The following ZNF844 variants were observed in gnomAD, a reference collection of about 807,000 sequenced individuals.
ZNF844 encodes the protein zinc finger protein 844.
ZNF844 carries 11 observed loss-of-function variants against 11.4 expected under a neutral mutation model. The ratio of observed to expected loss-of-function variants is 0.97; its 90% CI spans 0.61 to 1.60. ZNF844 has a LOEUF of 1.60. Ranked by LOEUF, ZNF844 falls within the 40% of genes most tolerant of loss-of-function variation. The probability of loss-of-function intolerance (pLI) is 0.00; values close to 1 mark genes in which losing one functional copy is unlikely to be tolerated. For missense variants in ZNF844, 790 were observed against 796.8 expected (o/e 0.99, Z 0.10); for synonymous variants, 248 against 260.3 (o/e 0.95, Z 0.46).
In ZNF844 at chr19:12,064,864, A is replaced by T. The variant is rs1161994014; in HGVS notation, c.-10A>T. The T allele has an allele frequency of 6.5e-7, 1 of 1,549,784 alleles. No individual in the cohort carries two copies. The highest frequency in any genetic ancestry group is 2.5e-5 in the East Asian group (1 of 40,038). ...TGCTTTGGACGTGGGAGTCACCTGA[A>T]AGCCAGGAAATGGTGAGTGTGAGCC... is the stretch of plus-strand genomic sequence containing the variant. On this transcript the variant is annotated 5_prime_UTR_variant, in exon 1 of 4. Transcript: ENST00000439326.
chr19:12,069,042 C>G (rs1280432241), intron 1 of ZNF844, among the ~76,000 whole-genome samples: 1 of 152,194 alleles, frequency 6.6e-6, no homozygotes, highest in African/African-American at 2.4e-5. Context: ...CCCTGGAAAA[C>G]TGAGGATCCA....
Position 12,078,489 on chromosome 19 carries a change from G to C in ZNF844, c.*1368G>C, listed in dbSNP as rs906221543. Reference sequence around the variant, plus strand: ...AATATCTCAGTGCCATCATGCATTAGATCAAGTTTATGTTACCACATTATT... The same window carrying C: ...AATATCTCAGTGCCATCATGCATTACATCAAGTTTATGTTACCACATTATT... On this transcript the variant is annotated 3_prime_UTR_variant, in exon 4 of 4. Transcript: ENST00000439326. 1 of 152,150 alleles carries C rather than the reference G, an allele frequency of 6.6e-6. No individual in the cohort carries two copies. The highest frequency in any genetic ancestry group is 1.5e-5 in the Non-Finnish European group (1 of 68,028). The allele number at this position is 152,150 out of a possible 1,614,324, so 9.4% of individuals were successfully genotyped here. A position where few individuals can be genotyped will look rare whatever the true frequency, so the allele number is the denominator to read the frequency against.
chr19:12,079,620 T>G lies in ZNF844; in HGVS notation c.*2499T>G, dbSNP rs1265702850. The G allele has an allele frequency of 6.7e-6, 1 of 150,178 alleles. No homozygotes were observed. Among genetic ancestry groups the G allele is most frequent in the Non-Finnish European group, 1.5e-5 (1 of 67,854 alleles). 9.3% of individuals were successfully genotyped at this position (150,178 alleles called of 1,614,324 possible). A position where few individuals can be genotyped will look rare whatever the true frequency, so the allele number is the denominator to read the frequency against. On this transcript the variant is annotated 3_prime_UTR_variant, in exon 4 of 4. Transcript: ENST00000439326. ...TTGCAGTGACCCGAGATTACGCCAC[T>G]GTACCCCAGCAGAGTGAGACTCCAT... is the stretch of plus-strand genomic sequence containing the variant.
At chr19:12,068,724 T>C (rs892017917) in intron 1 of ZNF844, among the ~76,000 whole-genome samples, 1 of 152,242 alleles carries the variant, frequency 6.6e-6, no homozygotes, top group Non-Finnish European at 1.5e-5. Flanking sequence ...CTGAAATGAT[T>C]AGATACTTTT....
At position 12,076,507 on chromosome 19, in the gene ZNF844, T is replaced by C; in HGVS notation, c.1387T>C (p.Phe463Leu). The change falls in exon 4 of 4, where the codon TTC becomes CTC. Residue 463 changes from phenylalanine to leucine, a missense_variant. Around this residue, in one of 3 missense-constraint regions of ZNF844, gnomAD observed 657 missense variants for 636.2 expected, o/e 1.03. Transcript: ENST00000439326. ...VGKPSDLPHT[F>L]KCMEGLTLKR... Reference sequence around the variant, plus strand: ...AAAGCCTTCAGATCTGCCTCACACCTTCAAATGCATGGAAGGACTCACACT... The same window carrying C: ...AAAGCCTTCAGATCTGCCTCACACCCTCAAATGCATGGAAGGACTCACACT... The C allele has an allele frequency of 6.2e-7, 1 of 1,610,676 alleles. No homozygotes were observed. Among genetic ancestry groups the C allele is most frequent in the Non-Finnish European group, 8.5e-7 (1 of 1,178,614 alleles).
Position 12,076,191 on chromosome 19 carries a change from G to A in ZNF844, c.1071G>A (p.Met357Ile), listed in dbSNP as rs572567345. 5.7e-6 allele frequency: 9 copies of A among 1,588,648 alleles called. No individual in the cohort carries two copies. In the South Asian group the frequency reaches 9.0e-5, roughly 16 times the overall value. The change falls in exon 4 of 4, where the codon ATG becomes ATA. Residue 357 changes from methionine (M) to isoleucine (I), a missense_variant. Around this residue, in one of 3 missense-constraint regions of ZNF844, gnomAD observed 657 missense variants for 636.2 expected, o/e 1.03. Transcript: ENST00000439326. The stretch of plus-strand genomic sequence containing the variant: ...TTAACTTTCAAAGACACATGAAAAT[G>A]CACACTAGAATGAGACCTTATAAAT... ...SYLNFQRHMK[M>I]HTRMRPYKCK...
In ZNF844 at chr19:12,079,318, C is replaced by T. The variant is rs1975867256; in HGVS notation, c.*2197C>T. ...AAGGGAATGTGAAAAGCCTTCATTC[C>T]TGAAATGAAGCAATTCATACTATTA... On this transcript the variant is annotated 3_prime_UTR_variant, in exon 4 of 4. Transcript: ENST00000439326. The T allele has an allele frequency of 6.6e-6, 1 of 152,132 alleles. No homozygotes were observed. The highest frequency in any genetic ancestry group is 2.4e-5 in the African/African-American group (1 of 41,406). The allele number at this position is 152,132 out of a possible 1,614,324, so 9.4% of individuals were successfully genotyped here. A position where few individuals can be genotyped will look rare whatever the true frequency, so the allele number is the denominator to read the frequency against.
rs923208018 is a variant in ZNF844 at position 12,077,256 on chromosome 19, A to G, written c.*135A>G. On this transcript the variant is annotated 3_prime_UTR_variant, in exon 4 of 4. Coordinates refer to ENST00000439326, the MANE Select transcript of ZNF844 (RefSeq NM_001136501.3). ...TAAAGCCTTCATTTCTTCCACTGCC[A>G]TTCGTAGACATGAAAGGACTCACAC... is the stretch of plus-strand genomic sequence containing the variant. 14 of 1,420,020 alleles carry G rather than the reference A, an allele frequency of 9.9e-6. No homozygotes were observed. Among genetic ancestry groups the G allele is most frequent in the Non-Finnish European group, 1.2e-5 (12 of 1,012,320 alleles). The allele number at this position is 1,420,020 out of a possible 1,614,324, so 88.0% of individuals were successfully genotyped here. A position where few individuals can be genotyped will look rare whatever the true frequency, so the allele number is the denominator to read the frequency against.
At chr19:12,069,936 A>G (rs984802131) in intron 1 of ZNF844, among the ~76,000 whole-genome samples, 17 of 146,294 alleles carry the variant, frequency 1.2e-4, no homozygotes, top group Admixed American at 5.5e-4. Context: ...AGCCTGGACA[A>G]CAGTGAGACT....
At chr19:12,067,443 T>C (rs1281709721) in intron 1 of ZNF844, among the ~76,000 whole-genome samples, 2 of 149,258 alleles carry the variant, frequency 1.3e-5, no homozygotes, top group South Asian at 2.1e-4. Context: ...CCGTCTCTAC[T>C]AAAAATATAA....
In ZNF844 at chr19:12,075,818, C is replaced by T. The variant is rs202098662; in HGVS notation, c.698C>T (p.Ala233Val). The change falls in exon 4 of 4, where the codon GCC (alanine) becomes GTC (valine). Residue 233 changes from alanine (A) to valine (V), a missense_variant. Around this residue, in one of 3 missense-constraint regions of ZNF844, gnomAD observed 657 missense variants for 636.2 expected, o/e 1.03. Transcript: ENST00000439326. ...KPYKCKQCGK[A>V]FSYSTSLQIH... The stretch of plus-strand genomic sequence containing the variant: ...TATAAATGTAAACAATGTGGTAAAG[C>T]CTTTAGTTATTCAACTTCCCTTCAA... 6.2e-7 allele frequency: 1 copy of T among 1,611,042 alleles called. No homozygotes were observed. The highest frequency in any genetic ancestry group is 1.3e-5 in the African/African-American group (1 of 74,782).
In ZNF844 at chr19:12,074,154, A is replaced by G. The variant is rs767526686; in HGVS notation, c.127A>G (p.Ile43Val). The G allele has an allele frequency of 4.3e-6, 7 of 1,613,734 alleles. No homozygotes were observed. The highest frequency in any genetic ancestry group is 4.2e-6 in the Non-Finnish European group (5 of 1,179,804). Residue 43 changes from isoleucine to valine, a missense_variant, in exon 2 of 4, where the codon ATA becomes GTA. By Grantham distance (29) the Ile-to-Val change is conservative. This residue lies in a region of ZNF844 where 129 missense variants were observed against 144.0 expected (regional missense o/e 0.90). Transcript: ENST00000439326. ...MQETLRNLAS[I>V]GEKWKDQNIE... ...GGAAACCTTGAGGAATCTGGCCTCCATAGGTAAGAATGACAGTATTACGTC... is the reference window on the plus strand; with the variant it reads ...GGAAACCTTGAGGAATCTGGCCTCCGTAGGTAAGAATGACAGTATTACGTC...
chr19:12,075,189 AACTT>A (rs1177256928), intron 3 of ZNF844, 119 bp from the exon 4 acceptor site: 1 of 693,882 alleles, frequency 1.4e-6, no homozygotes, highest in Non-Finnish European at 1.9e-6. Context: ...TGTACCCTAA[AACTT>A]AAAGTATATT....
chr19:12,070,518 G>A (rs751427807), intron 1 of ZNF844, among the ~76,000 whole-genome samples: 2 of 152,124 alleles, frequency 1.3e-5, no homozygotes, highest in Non-Finnish European at 2.9e-5. Context: ...GTGGTCATCA[G>A]GAGAGAAATC....
Position 12,077,168 on chromosome 19 carries a change from T to G in ZNF844, c.*47T>G, listed in dbSNP as rs770723856. On this transcript the variant is annotated 3_prime_UTR_variant, in exon 4 of 4. Transcript: ENST00000439326. ...GTGGCAAAGCCTTCACTTCTTCTGG[T>G]TCCTTTCAGTGTCATAAAAGGATTC... 4.5e-5 allele frequency: 72 copies of G among 1,604,290 alleles called. No individual in the cohort carries two copies. The highest frequency in any genetic ancestry group is 6.0e-5 in the Non-Finnish European group (71 of 1,175,642).
chr19:12,066,530 CTTTTTTTTTTTTT>C (rs80186949), intron 1 of ZNF844, among the ~76,000 whole-genome samples: 6 of 92,322 alleles, frequency 6.5e-5, no homozygotes, highest in African/African-American at 2.8e-4. Flanking sequence ...TAAATGTCTT[CTTTTTTTTTTTTT>C]TTTTTTTTTT....
rs1975858761 is a variant in ZNF844 at position 12,078,611 on chromosome 19, A to AT, written c.*1493dup. On this transcript the variant is annotated 3_prime_UTR_variant, in exon 4 of 4. Transcript: ENST00000439326. ...ATTTTCATGCTTATATACTTAGAAC[A>AT]TTTATCTTGGTCCTAATTTTTTGTT... 1 of 152,096 alleles carries AT rather than the reference A, an allele frequency of 6.6e-6. No individual in the cohort carries two copies. The highest frequency in any genetic ancestry group is 2.1e-4 in the South Asian group (1 of 4,832). The allele number at this position is 152,096 out of a possible 1,614,324, so 9.4% of individuals were successfully genotyped here.
chr19:12,072,509 G>T (rs1203162112), intron 1 of ZNF844, among the ~76,000 whole-genome samples: 1 of 151,898 alleles, frequency 6.6e-6, no homozygotes, highest in African/African-American at 2.4e-5. Context: ...CAATCCTTTG[G>T]TCAGAGCACA....
Position 12,078,363 on chromosome 19 carries a change from G to A in ZNF844, c.*1242G>A, listed in dbSNP as rs1284040001. 1 of 152,188 alleles carries A rather than the reference G, an allele frequency of 6.6e-6. No homozygotes were observed. The highest frequency in any genetic ancestry group is 1.9e-4 in the East Asian group (1 of 5,192). The allele number at this position is 152,188 out of a possible 1,614,324, so 9.4% of individuals were successfully genotyped here. On this transcript the variant is annotated 3_prime_UTR_variant, in exon 4 of 4. Coordinates refer to ENST00000439326, the MANE Select transcript of ZNF844 (RefSeq NM_001136501.3). The stretch of plus-strand genomic sequence containing the variant: ...ACTGGTCTTGAACTCCTGACCTGAA[G>A]TGATCCACCTGCCTTAGCCTCCCAA...
Sources: gnomAD v4.1 joint callset for allele counts (sites outside exome capture counted in the v4.1 genomes callset) on GRCh38, gnomAD v4.1.1 for gene constraint, gnomAD v4.1.1 regional missense constraint, MANE v1.5 for transcripts, NCBI Gene and HGNC (gene_info 2026-07-23, HGNC 2026-07-21) for gene names.